HERC1: variants seen among roughly 807,000 people sequenced by gnomAD.
HERC1 encodes the protein HECT and RLD domain containing E3 ubiquitin protein ligase family member 1.
In HERC1, 160 loss-of-function variants were observed where a neutral mutation model predicts 554.3. That is an observed-to-expected ratio of 0.29 (90% CI 0.25 to 0.33). The LOEUF (loss-of-function observed/expected upper bound fraction) is 0.33. Among genes scored for constraint, HERC1 ranks in the 10% least tolerant of loss-of-function variants. The pLI is 1.00. For synonymous variants in HERC1, 2,175 were observed against 2,131.7 expected, an observed-to-expected ratio of 1.02 and a Z score of -0.56; for missense variants, 4,919 against 5,918.5, an observed-to-expected ratio of 0.83 and a Z score of 5.54.
intron 41 of HERC1, 86 bp from the exon 42 acceptor site, chr15:63,666,236 G>A (rs1486971362): frequency 2.4e-5 from 33 of 1,380,388 alleles, no homozygotes; most frequent in African/African-American, 8.8e-5. Flanking sequence ...TGATGCTCTT[G>A]TAACAAAATA....
Position 63,637,611 on chromosome 15 carries a change from G to C in HERC1, c.12126C>G (p.Ile4042Met), listed in dbSNP as rs368460721. ...AAGCCAACACTGTGCCATTGGCCTG[G>C]ATGACAAAGGTACAATTCTGACCAC... ...VICGQNCTFVIQANGTVLACG... is the reference protein window; with the variant it reads ...VICGQNCTFVMQANGTVLACG... The change falls in exon 64 of 78, where the codon ATC becomes ATG. Residue 4042 changes from isoleucine (I) to methionine (M), a missense_variant. By Grantham distance (10) the Ile-to-Met change is conservative (BLOSUM62 1). This residue lies in a region of HERC1 where 122 missense variants were observed against 195.2 expected (regional missense o/e 0.63). Coordinates refer to ENST00000443617, the MANE Select transcript of HERC1 (RefSeq NM_003922.4). 3.0e-5 allele frequency: 47 copies of C among 1,552,362 alleles called. No individual in the cohort carries two copies. Among genetic ancestry groups the C allele is most frequent in the African/African-American group, 5.5e-5 (4 of 73,086 alleles).
rs78656140 is a variant in HERC1 at position 63,748,251 on chromosome 15, A to G, written c.2220-393T>C. Reference sequence around the variant, plus strand: ...AAAAAATATATATATACATATATACATTAAAGCTGAATGAGTTCAACAAGA... The same window carrying G: ...AAAAAATATATATATACATATATACGTTAAAGCTGAATGAGTTCAACAAGA... On this transcript the variant is annotated intron_variant, in intron 10 of 77. Coordinates refer to ENST00000443617, the MANE Select transcript of HERC1 (RefSeq NM_003922.4). 3.3e-4 allele frequency among the ~76,000 whole-genome samples: 51 copies of G among 152,254 alleles called. No homozygotes were observed. The East Asian group carries it at 9.1e-3, about 27-fold the overall frequency.
chr15:63,769,765 A>G (rs1039780404), intron 2 of HERC1, among the ~76,000 whole-genome samples: 5 of 152,072 alleles, frequency 3.3e-5, no homozygotes, highest in Admixed American at 6.5e-5. Flanking sequence ...TTGAGGCAGG[A>G]GAATCGCTTG....
chr15:63,777,946 T>A (rs975527858), intron 1 of HERC1, among the ~76,000 whole-genome samples: 1 of 152,222 alleles, frequency 6.6e-6, no homozygotes, highest in African/African-American at 2.4e-5. Context: ...TTTTATTGTT[T>A]CCAGGTAGAA....
intron 74 of HERC1, among the ~76,000 whole-genome samples, chr15:63,618,033 G>T (rs1467014404): frequency 6.6e-6 from 1 of 151,880 alleles, no homozygotes; most frequent in Non-Finnish European, 1.5e-5. Context: ...GTCAATTTTG[G>T]CTTTTGTTGC....
At chr15:63,672,792 T>C in intron 38 of HERC1, 98 bp from the exon 39 acceptor site, 1 of 762,902 alleles carries the variant, frequency 1.3e-6, no homozygotes, top group Non-Finnish European at 2.1e-6. Context: ...TTTAAAAGTT[T>C]CTAAATATAT....
chr15:63,655,795 T>C lies in HERC1; in HGVS notation c.10031A>G (p.Asp3344Gly). The change falls in exon 50 of 78, where the codon GAC becomes GGC. Residue 3344 changes from aspartate (D) to glycine (G), a missense_variant. By Grantham distance (94) the Asp-to-Gly change is moderately conservative. Transcript: ENST00000443617. ...VTQALVALLA[D>G]KGAKLRPNYD... ...GTTAGGTCTTAGTTTGGCCCCTTTG[T>C]CTGCTAGCAATGCCACAAGGGCCTG... The C allele has an allele frequency of 6.3e-7, 1 of 1,580,082 alleles. No homozygotes were observed. Among genetic ancestry groups the C allele is most frequent in the Non-Finnish European group, 8.6e-7 (1 of 1,161,456 alleles).
At position 63,640,246 on chromosome 15, in the gene HERC1, G is replaced by A; in HGVS notation, c.11807C>T (p.Ala3936Val). ...WLECFSTTIK[A>V]AEALTNGAQF... ...GGCTCCATTGGTCAGGGCTTCGGCA[G>A]CTTTTATAGTGGTTGAGAAACATTC... Residue 3936 changes from alanine (A) to valine (V), a missense_variant, in exon 61 of 78, where the codon GCT becomes GTT. This residue lies in a region of HERC1 where 1,963 missense variants were observed against 2,228.6 expected (regional missense o/e 0.88). Coordinates refer to ENST00000443617, the MANE Select transcript of HERC1 (RefSeq NM_003922.4). The A allele has an allele frequency of 6.2e-7, 1 of 1,613,942 alleles. No individual in the cohort carries two copies. Among genetic ancestry groups the A allele is most frequent in the Non-Finnish European group, 8.5e-7 (1 of 1,179,818 alleles).
At chr15:63,648,301 G>A (rs1372412608) in intron 54 of HERC1, 102 bp from the exon 55 acceptor site, 2 of 1,195,208 alleles carry the variant, frequency 1.7e-6, no homozygotes, top group East Asian at 2.6e-5. Flanking sequence ...TGCAACCATT[G>A]CAAGTAAATT....
At chr15:63,697,747 G>A (rs560636144) in intron 26 of HERC1, among the ~76,000 whole-genome samples, 9 of 152,116 alleles carry the variant, frequency 5.9e-5, no homozygotes, top group South Asian at 4.2e-4. Context: ...GAGCCACCGC[G>A]CCCGGCCAAT....
chr15:63,650,574 C>G (rs183759883), intron 53 of HERC1, among the ~76,000 whole-genome samples: 4 of 152,026 alleles, frequency 2.6e-5, no homozygotes, highest in Admixed American at 6.6e-5. Flanking sequence ...TATGTCACCA[C>G]GCCTGGCTGT....
chr15:63,808,073 T>G (rs2077187184), intron 1 of HERC1, among the ~76,000 whole-genome samples: 1 of 152,124 alleles, frequency 6.6e-6, no homozygotes. Flanking sequence ...AGTTTCTTCT[T>G]TTGTATTCCT....
At chr15:63,633,490 G>C (rs1595862549) in intron 67 of HERC1, among the ~76,000 whole-genome samples, 1 of 152,122 alleles carries the variant, frequency 6.6e-6, no homozygotes, top group Non-Finnish European at 1.5e-5. Context: ...ATAATAAGCA[G>C]AAATGGCAGC....
chr15:63,649,735 A>G lies in HERC1; in HGVS notation c.10737T>C (p.Tyr3579=), dbSNP rs754871487. The G allele has an allele frequency of 3.2e-5, 52 of 1,613,180 alleles. No homozygotes were observed. The highest frequency in any genetic ancestry group is 4.2e-5 in the Non-Finnish European group (50 of 1,179,528). The change falls in exon 54 of 78, where the codon TAT becomes TAC. Residue 3579 remains tyrosine (Y), a synonymous_variant. Transcript: ENST00000443617. ...TMHRRELEHC[Y]RKDVSVTCIA... is the part of the protein sequence containing the mutation. Reference sequence around the variant, plus strand: ...AGTGCAGTCATTTACCATCCTTTCGATAGCAATGCTCCAATTCTCGACGGT... The same window carrying G: ...AGTGCAGTCATTTACCATCCTTTCGGTAGCAATGCTCCAATTCTCGACGGT...
chr15:63,738,906 A>G (rs1385543410), intron 12 of HERC1, among the ~76,000 whole-genome samples: 2 of 152,124 alleles, frequency 1.3e-5, no homozygotes, highest in Non-Finnish European at 2.9e-5. Flanking sequence ...AAATCATCAC[A>G]GTTCCTACTC....
In HERC1 at chr15:63,616,411, T is replaced by A. The variant is rs193260190; in HGVS notation, c.13941+19A>T. On this transcript the variant is annotated intron_variant, in intron 75 of 77. Transcript: ENST00000443617. ...TAGGACGTCAACACCAGTAGAAACA[T>A]AGACTGGCCAGGATTTACCTCATGG... The A allele has an allele frequency of 1.2e-6, 2 of 1,607,282 alleles. No homozygotes were observed. The highest frequency in any genetic ancestry group is 3.4e-5 in the Admixed American group (2 of 59,658).
chr15:63,811,432 T>C (rs572198393), intron 1 of HERC1, among the ~76,000 whole-genome samples: 1 of 152,192 alleles, frequency 6.6e-6, no homozygotes, highest in Non-Finnish European at 1.5e-5. Context: ...ATTTTTTCTA[T>C]AAATCTGAGA....
At chr15:63,668,451 C>G (rs538038343) in intron 40 of HERC1, among the ~76,000 whole-genome samples, 8 of 152,296 alleles carry the variant, frequency 5.3e-5, no homozygotes, top group Admixed American at 5.2e-4. Flanking sequence ...CAAGGTCACT[C>G]CAGCCCGGGT....
At position 63,609,806 on chromosome 15, in the gene HERC1, C is replaced by T. The variant is rs149832660; in HGVS notation, c.14401-540G>A. On this transcript the variant is annotated intron_variant, in intron 77 of 77. Coordinates refer to ENST00000443617, the MANE Select transcript of HERC1 (RefSeq NM_003922.4). ...TCGCACAGCTCACATAAGGAAGGGG[C>T]AGTCAATTAAACTCCAGTCCATCCA... Among the ~76,000 whole-genome samples the T allele has an allele frequency of 8.6e-3, 1,311 of 152,274 alleles. 20 individuals carry two copies. The highest frequency in any genetic ancestry group is 0.028 in the African/African-American group (1,176 of 41,550).
Sources: allele counts gnomAD v4.1 joint callset (sites outside exome capture counted in the v4.1 genomes callset), GRCh38; gene constraint gnomAD v4.1.1; regional missense constraint gnomAD v4.1.1; transcripts MANE v1.5; gene names NCBI Gene and HGNC (gene_info 2026-07-23, HGNC 2026-07-21).